BEND4: variants seen among roughly 807,000 people sequenced by gnomAD.
The protein encoded by BEND4 is BEN domain containing 4.
Under a neutral mutation model 54.7 loss-of-function variants are expected in BEND4, and 27 were observed. The observed-to-expected ratio is 0.49, with a 90% CI of 0.36 to 0.68. The LOEUF is 0.68. Among genes scored for constraint, BEND4 ranks in the 30% least tolerant of loss-of-function variants. The pLI is 0.00. For synonymous variants in BEND4, 327 were observed against 299.5 expected (o/e 1.09, Z -0.95); for missense variants, 702 against 697.2 (o/e 1.01, Z -0.08).
intron 3 of BEND4, among the ~76,000 whole-genome samples, chr4:42,128,482 G>A (rs1720375031): frequency 6.6e-6 from 1 of 152,104 alleles, no homozygotes; most frequent in Admixed American, 6.6e-5. Flanking sequence ...AAATTAGCCG[G>A]GTGTGGTGGT....
intron 2 of BEND4, among the ~76,000 whole-genome samples, chr4:42,150,293 G>C (rs1290235385): frequency 6.6e-6 from 1 of 151,992 alleles, no homozygotes; most frequent in African/African-American, 2.4e-5. Context: ...TGGGGCAAGA[G>C]CAACTGAAAA....
Position 42,152,319 on chromosome 4 carries a change from G to A in BEND4, c.-176C>T. On this transcript the variant is annotated 5_prime_UTR_variant, in exon 2 of 6. Transcript: ENST00000502486. ...CTGTCGCTGAGGCTGGCATCGCCGA[G>A]CCCCCGCGCGGGGGGCTGCCGCCCG... 4.0e-6 allele frequency: 2 copies of A among 494,606 alleles called. No individual in the cohort carries two copies. The highest frequency in any genetic ancestry group is 3.1e-6 in the Non-Finnish European group (1 of 326,906). 30.6% of individuals were successfully genotyped at this position (494,606 alleles called of 1,614,324 possible).
chr4:42,141,114 G>C (rs1053962791), intron 3 of BEND4, among the ~76,000 whole-genome samples: 1 of 152,172 alleles, frequency 6.6e-6, no homozygotes, highest in African/African-American at 2.4e-5. Context: ...GTTCTACCCA[G>C]TGTCTGTCTT....
intron 3 of BEND4, among the ~76,000 whole-genome samples, chr4:42,142,589 T>C (rs1201408539): frequency 7.0e-6 from 1 of 143,598 alleles, no homozygotes; most frequent in Non-Finnish European, 1.5e-5. Context: ...GCCCACACGG[T>C]GCCACTGTAC....
chr4:42,120,288 T>G lies in BEND4; in HGVS notation c.1153A>C (p.Lys385Gln). Residue 385 changes from lysine to glutamine, a missense_variant, in exon 5 of 6, where the codon AAG becomes CAG. By Grantham distance (53) the Lys-to-Gln change is moderately conservative (BLOSUM62 1). Transcript: ENST00000502486. ...QPADQPTEGS[K>Q]QLLNNYPVYI... is the part of the protein sequence containing the mutation. ...ACAGGATAGTTGTTCAACAGCTGCT[T>G]GCTTCCCTGGAAAAGCGAAATATTT... is the stretch of plus-strand genomic sequence containing the variant. 1 of 1,593,232 alleles carries G rather than the reference T, an allele frequency of 6.3e-7. No homozygotes were observed. Among genetic ancestry groups the G allele is most frequent in the Non-Finnish European group, 8.6e-7 (1 of 1,162,584 alleles).
chr4:42,127,789 G>A (rs993141368), intron 3 of BEND4, among the ~76,000 whole-genome samples: 4 of 152,172 alleles, frequency 2.6e-5, no homozygotes, highest in Non-Finnish European at 2.9e-5. Flanking sequence ...GATTTTGCTT[G>A]GAAGTTTTAG....
chr4:42,151,310 T>A (rs1410853324), intron 2 of BEND4: 7 of 205,496 alleles, frequency 3.4e-5, no homozygotes, highest in South Asian at 3.6e-4. Flanking sequence ...CCCGAGAAGC[T>A]CCAGCTTCTT....
Position 42,115,918 on chromosome 4 carries a change from CATT to C in BEND4, c.*1597_*1599del, listed in dbSNP as rs1560573277. 1 of 152,200 alleles carries C rather than the reference CATT, an allele frequency of 6.6e-6. No individual in the cohort carries two copies. The highest frequency in any genetic ancestry group is 1.5e-5 in the Non-Finnish European group (1 of 68,028). The allele number at this position is 152,200 out of a possible 1,614,324, so 9.4% of individuals were successfully genotyped here. A position where few individuals can be genotyped will look rare whatever the true frequency, so the allele number is the denominator to read the frequency against. On this transcript the variant is annotated 3_prime_UTR_variant, in exon 6 of 6. Coordinates refer to ENST00000502486, the MANE Select transcript of BEND4 (RefSeq NM_207406.4). Reference sequence around the variant, plus strand: ...ATTGAAATATTAGTGCCCACTACATCATTGAGCAGATCTGACAGATGACCACCT... The same window carrying C: ...ATTGAAATATTAGTGCCCACTACATCGAGCAGATCTGACAGATGACCACCT...
intron 3 of BEND4, among the ~76,000 whole-genome samples, chr4:42,142,636 CAAAAA>C (rs56802075): frequency 1.8e-5 from 1 of 54,254 alleles, no homozygotes; most frequent in Admixed American, 2.1e-4. Flanking sequence ...GACTCCGTCT[CAAAAA>C]AAAAAAAAAA....
intron 2 of BEND4, among the ~76,000 whole-genome samples, chr4:42,146,635 G>T (rs576190992): frequency 6.6e-6 from 1 of 152,294 alleles, no homozygotes; most frequent in African/African-American, 2.4e-5. Context: ...ATCAAAGGAT[G>T]ATATTGATTG....
rs1167634430 is a variant in BEND4, at chr4:42,152,120, T to C, written c.24A>G (p.Ala8=). MEEEMQP[A]EEGPSVPKIY... is the part of the protein sequence containing the mutation. ...TTTTGGGGACGCTGGGCCCCTCCTC[T>C]GCCGGCTGCATCTCTTCCTCCATCC... Residue 8 remains alanine (A), a synonymous_variant, in exon 2 of 6, where the codon GCA becomes GCG. Coordinates refer to ENST00000502486, the MANE Select transcript of BEND4 (RefSeq NM_207406.4). 1.6e-6 allele frequency: 2 copies of C among 1,246,544 alleles called. No individual in the cohort carries two copies. The highest frequency in any genetic ancestry group is 1.0e-6 in the Non-Finnish European group (1 of 986,744). 77.2% of individuals were successfully genotyped at this position (1,246,544 alleles called of 1,614,324 possible). A position where few individuals can be genotyped will look rare whatever the true frequency, so the allele number is the denominator to read the frequency against.
At chr4:42,139,591 G>GA (rs35596478) in intron 3 of BEND4, among the ~76,000 whole-genome samples, 3,853 of 138,542 alleles carry the variant, frequency 0.028, 55 homozygotes, top group Middle Eastern at 0.045. Context: ...CTTTATTTCA[G>GA]AAAAAAAAAA....
chr4:42,151,353 G>C (rs1222313428), intron 2 of BEND4: 8 of 224,908 alleles, frequency 3.6e-5, no homozygotes, highest in Non-Finnish European at 6.9e-5. Context: ...CCGGGGGGGC[G>C]TCTGGCCCCA....
At position 42,116,303 on chromosome 4, in the gene BEND4, C is replaced by T. The variant is rs1359431554; in HGVS notation, c.*1215G>A. On this transcript the variant is annotated 3_prime_UTR_variant, in exon 6 of 6. Transcript: ENST00000502486. Reference sequence around the variant, plus strand: ...CTCCTGAGTCCAAACAGGAAGCCCTCAGAAATGATGACTCTAGCACCTCTA... The same window carrying T: ...CTCCTGAGTCCAAACAGGAAGCCCTTAGAAATGATGACTCTAGCACCTCTA... 6.6e-6 allele frequency: 1 copy of T among 152,180 alleles called. No individual in the cohort carries two copies. The highest frequency in any genetic ancestry group is 1.5e-5 in the Non-Finnish European group (1 of 68,038). 9.4% of individuals were successfully genotyped at this position (152,180 alleles called of 1,614,324 possible).
intron 3 of BEND4, among the ~76,000 whole-genome samples, chr4:42,142,990 G>C (rs991124517): frequency 6.6e-6 from 1 of 152,152 alleles, no homozygotes; most frequent in Non-Finnish European, 1.5e-5. Flanking sequence ...TTCTATCATT[G>C]ACTAATAAAA....
At chr4:42,133,826 C>T (rs1172762167) in intron 3 of BEND4, among the ~76,000 whole-genome samples, 3 of 152,206 alleles carry the variant, frequency 2.0e-5, no homozygotes, top group African/African-American at 7.2e-5. Context: ...TGCACTCCAG[C>T]CTGGGCAACA....
chr4:42,129,947 T>C (rs1431741224), intron 3 of BEND4, among the ~76,000 whole-genome samples: 2 of 152,114 alleles, frequency 1.3e-5, no homozygotes, highest in Admixed American at 6.5e-5. Context: ...GAAACTATTA[T>C]CAGAGTCAAC....
chr4:42,117,584 C>G lies in BEND4; in HGVS notation c.1539G>C (p.Gly513=). ...FLHNGGSFYE[G]IDHQASQDEV... ...CATCCTGAGAAGCCTGGTGATCGAT[C>G]CCTTCATAAAATGAGCCACCGTTGT... The change falls in exon 6 of 6, where the codon GGG becomes GGC. Residue 513 remains glycine (G), a synonymous_variant. Coordinates refer to ENST00000502486, the MANE Select transcript of BEND4 (RefSeq NM_207406.4). 6.2e-7 allele frequency: 1 copy of G among 1,613,308 alleles called. No homozygotes were observed. Among genetic ancestry groups the G allele is most frequent in the Non-Finnish European group, 8.5e-7 (1 of 1,179,672 alleles).
At chr4:42,149,105 T>C (rs1721173876) in intron 2 of BEND4, among the ~76,000 whole-genome samples, 1 of 152,258 alleles carries the variant, frequency 6.6e-6, no homozygotes, top group African/African-American at 2.4e-5. Context: ...GTAACATGAA[T>C]GTTTTGACTA....
Sources: gnomAD v4.1 joint callset for allele counts (sites outside exome capture counted in the v4.1 genomes callset) on GRCh38, gnomAD v4.1.1 for gene constraint, MANE v1.5 for transcripts, NCBI Gene and HGNC (gene_info 2026-07-23, HGNC 2026-07-21) for gene names.